The following TMEM178A variants were observed in gnomAD, a reference collection of about 807,000 sequenced individuals.
TMEM178A encodes the protein transmembrane protein 178.
Under a neutral mutation model 29.1 loss-of-function variants are expected in TMEM178A, and 12 were observed. The observed-to-expected ratio is 0.41, with a 90% CI of 0.26 to 0.67. The LOEUF is 0.67. TMEM178A is among the 30% of genes least tolerant of loss of function. The pLI is 0.29. For synonymous variants in TMEM178A, 210 were observed against 187.2 expected, an observed-to-expected ratio of 1.12 and a Z score of -0.99; for missense variants, 366 against 419.1, an observed-to-expected ratio of 0.87 and a Z score of 1.11.
intron 1 of TMEM178A, among the ~76,000 whole-genome samples, chr2:39,680,017 G>A (rs1052972359): frequency 6.6e-6 from 1 of 152,056 alleles, no homozygotes; most frequent in African/African-American, 2.4e-5. Flanking sequence ...TGGTTTTACT[G>A]GCATTCTGAA....
intron 1 of TMEM178A, among the ~76,000 whole-genome samples, chr2:39,692,915 A>C (rs1671383924): frequency 6.6e-6 from 1 of 152,180 alleles, no homozygotes; most frequent in Non-Finnish European, 1.5e-5. Flanking sequence ...ATACATTCCC[A>C]AATTTCTGTT....
chr2:39,702,045 C>A (rs1018429458), intron 1 of TMEM178A, among the ~76,000 whole-genome samples: 1 of 151,968 alleles, frequency 6.6e-6, no homozygotes, highest in African/African-American at 2.4e-5. Context: ...TATTTGGGAT[C>A]CCTCAGTGAC....
intron 3 of TMEM178A, among the ~76,000 whole-genome samples, chr2:39,708,638 C>T (rs111577540): frequency 0.022 from 3,346 of 151,376 alleles, 112 homozygotes; most frequent in African/African-American, 0.076. Context: ...AGGATGGTCT[C>T]GATCTCCTGA....
At chr2:39,733,081 G>A in the TMEM178A span, among the ~76,000 whole-genome samples, 1 of 152,140 alleles carries the variant, frequency 6.6e-6, no homozygotes, top group Admixed American at 6.5e-5. Context: ...ATTGCTGAGG[G>A]TAGCTATTCC....
At chr2:39,714,008 C>T (rs1484872942) in intron 3 of TMEM178A, among the ~76,000 whole-genome samples, 1 of 152,198 alleles carries the variant, frequency 6.6e-6, no homozygotes, top group Non-Finnish European at 1.5e-5. Flanking sequence ...TTGTAATCAT[C>T]ACACATTCCT....
intron 1 of TMEM178A, 28 bp from the exon 2 acceptor site, chr2:39,704,053 G>C (rs758451246): frequency 6.3e-7 from 1 of 1,598,168 alleles, no homozygotes; most frequent in South Asian, 1.1e-5. Flanking sequence ...AAGCAGACTC[G>C]TAAATCGCGT....
chr2:39,673,673 C>T (rs1056552252), intron 1 of TMEM178A, among the ~76,000 whole-genome samples: 6 of 152,196 alleles, frequency 3.9e-5, no homozygotes, highest in African/African-American at 7.2e-5. Context: ...CAAACCCACA[C>T]CATGCTTCCA....
At chr2:39,715,036 G>T (rs1005777954) in intron 3 of TMEM178A, among the ~76,000 whole-genome samples, 1 of 152,178 alleles carries the variant, frequency 6.6e-6, no homozygotes, top group Non-Finnish European at 1.5e-5. Flanking sequence ...CCAAGGCTCA[G>T]AGAGGTTAGG....
At chr2:39,695,072 T>G (rs984458067) in intron 1 of TMEM178A, among the ~76,000 whole-genome samples, 4 of 152,230 alleles carry the variant, frequency 2.6e-5, no homozygotes, top group Non-Finnish European at 5.9e-5. Context: ...GTCTGTCTGC[T>G]TTAGCCCCTG....
chr2:39,682,788 A>G (rs1435531087), intron 1 of TMEM178A, among the ~76,000 whole-genome samples: 1 of 152,226 alleles, frequency 6.6e-6, no homozygotes, highest in Non-Finnish European at 1.5e-5. Flanking sequence ...AAAGCAGGGC[A>G]AGAATTACAT....
chr2:39,717,193 C>T lies in TMEM178A; in HGVS notation c.836C>T (p.Pro279Leu). 2 of 1,613,348 alleles carry T rather than the reference C, an allele frequency of 1.2e-6. No homozygotes were observed. Among genetic ancestry groups the T allele is most frequent in the Non-Finnish European group, 1.7e-6 (2 of 1,179,936 alleles). Residue 279 changes from proline to leucine, a missense_variant, in exon 4 of 4, where the codon CCG (proline) becomes CTG (leucine). This residue lies in a region of TMEM178A where 119 missense variants were observed against 172.2 expected (regional missense o/e 0.69). Transcript: ENST00000281961. ...VAAGGLCIAY[P>L]FISRTKIAQL... is the part of the protein sequence containing the mutation. ...GCTGGAGGTCTCTGCATCGCTTATC[C>T]GTTTATTAGCCGGACCAAGATTGCA... is the stretch of plus-strand genomic sequence containing the variant.
Position 39,698,264 on chromosome 2 carries a change from T to G in TMEM178A, c.401-5817T>G, listed in dbSNP as rs150300251. Among the ~76,000 whole-genome samples, 460 of 152,332 alleles carry G rather than the reference T, an allele frequency of 3.0e-3. 2 individuals are homozygous for G. Among genetic ancestry groups the G allele is most frequent in the African/African-American group, 0.01 (436 of 41,574 alleles). On this transcript the variant is annotated intron_variant, in intron 1 of 3. Transcript: ENST00000281961. ...ATGTTAAAGCTTGGTTACAACCGAG[T>G]AATAGCCTCAGGCTAGTTACTTAAC...
upstream of TMEM178A, chr2:39,665,715 G>A (rs1466426091): frequency 6.0e-6 from 2 of 332,794 alleles, no homozygotes; most frequent in African/African-American, 2.5e-5. Context: ...GAAGAGGAGG[G>A]GGGCAAGAAA....
chr2:39,719,958 A>T (rs1459564373), downstream of TMEM178A, among the ~76,000 whole-genome samples: 1 of 152,194 alleles, frequency 6.6e-6, no homozygotes, highest in African/African-American at 2.4e-5. Context: ...CTTGGGAAAC[A>T]TTAATGAAGC....
intron 1 of TMEM178A, among the ~76,000 whole-genome samples, chr2:39,687,820 A>C (rs957760619): frequency 3.3e-5 from 5 of 152,222 alleles, no homozygotes; most frequent in Admixed American, 2.6e-4. Flanking sequence ...GAAAGGGTTA[A>C]CTGGGCATGA....
chr2:39,691,519 C>A (rs549737341), intron 1 of TMEM178A, among the ~76,000 whole-genome samples: 2 of 152,048 alleles, frequency 1.3e-5, no homozygotes, highest in Non-Finnish European at 2.9e-5. Context: ...AAAAGAGAAC[C>A]GTGGTACACT....
At chr2:39,700,059 CT>C (rs1671713920) in intron 1 of TMEM178A, among the ~76,000 whole-genome samples, 1 of 152,012 alleles carries the variant, frequency 6.6e-6, no homozygotes, top group African/African-American at 2.4e-5. Flanking sequence ...TATTTTATTG[CT>C]TACATATGGT....
chr2:39,720,307 A>C (rs1019878360), downstream of TMEM178A, among the ~76,000 whole-genome samples: 3 of 152,192 alleles, frequency 2.0e-5, no homozygotes, highest in Non-Finnish European at 2.9e-5. Flanking sequence ...AGTGAGCTAG[A>C]GGGAATAAAA....
At chr2:39,729,061 C>T in the TMEM178A span, among the ~76,000 whole-genome samples, 1 of 151,986 alleles carries the variant, frequency 6.6e-6, no homozygotes, top group South Asian at 2.1e-4. Context: ...CAGAATAACT[C>T]TAGGTTGTTC....
Sources: allele counts gnomAD v4.1 joint callset (sites outside exome capture counted in the v4.1 genomes callset), GRCh38; gene constraint gnomAD v4.1.1; regional missense constraint gnomAD v4.1.1; transcripts MANE v1.5; gene names NCBI Gene and HGNC (gene_info 2026-07-23, HGNC 2026-07-21).